Variants in CNTNAP2 observed in about 807,000 individuals in gnomAD.
CNTNAP2 encodes contactin associated protein 2, also known as contactin-associated protein-like 2.
CNTNAP2 carries 98 observed loss-of-function variants against 155.2 expected under a neutral mutation model. That is an observed-to-expected ratio of 0.63 (90% CI 0.54 to 0.75). The LOEUF (loss-of-function observed/expected upper bound fraction) is 0.75, where lower values mean the gene tolerates loss of function less well. Among genes scored for constraint, CNTNAP2 ranks in the 30% least tolerant of loss-of-function variants. CNTNAP2 has a pLI of 0.00. For synonymous variants in CNTNAP2, 651 were observed against 631.2 expected (o/e 1.03, Z -0.47); for missense variants, 1,727 against 1,688.1 (o/e 1.02, Z -0.40).
intron 21 of CNTNAP2, among the ~76,000 whole-genome samples, chr7:148,370,096 A>G (rs954032092): frequency 3.9e-5 from 6 of 152,164 alleles, no homozygotes; most frequent in South Asian, 2.1e-4. Flanking sequence ...GGGAACAGTG[A>G]ACTCTGAAGA....
At chr7:146,174,659 G>A (rs571219214) in intron 1 of CNTNAP2, among the ~76,000 whole-genome samples, 4 of 151,968 alleles carry the variant, frequency 2.6e-5, no homozygotes, top group South Asian at 4.2e-4. Context: ...CCAATATGGC[G>A]AAACCCCATC....
At chr7:147,761,350 T>C (rs1449708040) in intron 13 of CNTNAP2, among the ~76,000 whole-genome samples, 1 of 152,212 alleles carries the variant, frequency 6.6e-6, no homozygotes, top group African/African-American at 2.4e-5. Flanking sequence ...TCCTCTTTCC[T>C]GCTTTTCTCT....
At chr7:147,416,396 C>A (rs530556397) in intron 10 of CNTNAP2, among the ~76,000 whole-genome samples, 1 of 152,186 alleles carries the variant, frequency 6.6e-6, no homozygotes, top group Non-Finnish European at 1.5e-5. Flanking sequence ...CTACACCCAA[C>A]TCCACATTGA....
At chr7:147,973,065 G>A (rs1801361954) in intron 14 of CNTNAP2, among the ~76,000 whole-genome samples, 1 of 150,594 alleles carries the variant, frequency 6.6e-6, no homozygotes, top group South Asian at 2.1e-4. Context: ...GCTGAGGCAG[G>A]AGGATCACTT....
intron 21 of CNTNAP2, among the ~76,000 whole-genome samples, chr7:148,318,923 A>T (rs909413879): frequency 6.6e-6 from 1 of 152,240 alleles, no homozygotes; most frequent in Non-Finnish European, 1.5e-5. Context: ...TCAGCTTACC[A>T]ATTCTGGCCT....
At chr7:146,504,072 A>G (rs150853631) in intron 1 of CNTNAP2, among the ~76,000 whole-genome samples, 4 of 152,324 alleles carry the variant, frequency 2.6e-5, no homozygotes, top group African/African-American at 9.6e-5. Context: ...GTGCGCCTGC[A>G]CTACAAACCC....
chr7:147,396,280 G>A (rs949813124), intron 10 of CNTNAP2, among the ~76,000 whole-genome samples: 4 of 151,408 alleles, frequency 2.6e-5, no homozygotes, highest in Non-Finnish European at 4.4e-5. Context: ...AGTTTTGCAA[G>A]CAACAGCAGT....
intron 13 of CNTNAP2, among the ~76,000 whole-genome samples, chr7:147,879,017 T>C (rs1799472908): frequency 6.6e-6 from 1 of 152,212 alleles, no homozygotes; most frequent in Non-Finnish European, 1.5e-5. Flanking sequence ...TTACTAACCA[T>C]AGTTGTTATT....
chr7:147,980,068 T>C (rs1266905400), intron 15 of CNTNAP2, among the ~76,000 whole-genome samples: 3 of 152,224 alleles, frequency 2.0e-5, no homozygotes, highest in Admixed American at 1.3e-4. Flanking sequence ...TGTGAGGCTG[T>C]CATTCATCTA....
chr7:146,533,823 T>A (rs1446296963), intron 1 of CNTNAP2, among the ~76,000 whole-genome samples: 1 of 152,068 alleles, frequency 6.6e-6, no homozygotes, highest in Non-Finnish European at 1.5e-5. Context: ...TTTTGTTTGC[T>A]CTCTCTCTAC....
At chr7:147,548,441 T>C (rs553330139) in intron 11 of CNTNAP2, among the ~76,000 whole-genome samples, 2 of 152,058 alleles carry the variant, frequency 1.3e-5, no homozygotes, top group South Asian at 4.1e-4. Context: ...TTGCCCACTT[T>C]TTGATGGGGT....
intron 18 of CNTNAP2, among the ~76,000 whole-genome samples, chr7:148,186,840 C>T (rs1413095319): frequency 1.3e-5 from 2 of 152,184 alleles, no homozygotes; most frequent in African/African-American, 2.4e-5. Flanking sequence ...TATGCTGACA[C>T]ACGGTCAGTG....
At position 148,238,433 on chromosome 7, in the gene CNTNAP2, G is replaced by A. The variant is rs1030497197; in HGVS notation, c.3381+8654G>A. Among the ~76,000 whole-genome samples, 8 of 152,294 alleles carry A rather than the reference G, an allele frequency of 5.3e-5. No individual in the cohort carries two copies. The East Asian group carries it at 7.7e-4, about 15-fold the overall frequency. ...TCTAGAACCCAGCTAACCAGACCCC[G>A]TTTCCCCACTTAGTTTGCTCTTTGT... On this transcript the variant is annotated intron_variant, in intron 20 of 23. Transcript: ENST00000361727.
intron 1 of CNTNAP2, among the ~76,000 whole-genome samples, chr7:146,196,591 GAGAGAA>G (rs1387648873): frequency 2.6e-5 from 4 of 151,894 alleles, no homozygotes; most frequent in Non-Finnish European, 5.9e-5. Flanking sequence ...GAAAGAGAGA[GAGAGAA>G]AGAGAAAGAG....
rs575095584 is a variant in CNTNAP2, at chr7:147,021,435, G to A, written c.403-22472G>A. 3.9e-5 allele frequency among the ~76,000 whole-genome samples: 6 copies of A among 152,206 alleles called. No individual in the cohort carries two copies. The East Asian group carries it at 1.2e-3, about 29-fold the overall frequency. On this transcript the variant is annotated intron_variant, in intron 3 of 23. Coordinates refer to ENST00000361727, the MANE Select transcript of CNTNAP2 (RefSeq NM_014141.6). ...GGGCTTTTGTTTTGTTTTTTAGCCAGTTCTTTGTATGATATATTTCTCAGA... is the reference window on the plus strand; with the variant it reads ...GGGCTTTTGTTTTGTTTTTTAGCCAATTCTTTGTATGATATATTTCTCAGA...
At chr7:148,148,268 A>G (rs1805232738) in intron 17 of CNTNAP2, among the ~76,000 whole-genome samples, 2 of 152,190 alleles carry the variant, frequency 1.3e-5, no homozygotes, top group African/African-American at 2.4e-5. Flanking sequence ...AAAAAGTTAA[A>G]CTACCTATGC....
At chr7:146,128,829 A>G (rs1212413381) in intron 1 of CNTNAP2, among the ~76,000 whole-genome samples, 1 of 152,126 alleles carries the variant, frequency 6.6e-6, no homozygotes, top group Non-Finnish European at 1.5e-5. Flanking sequence ...ATTGTAATAT[A>G]ATGTTAGTTG....
chr7:147,775,485 G>C (rs1797571563), intron 13 of CNTNAP2, among the ~76,000 whole-genome samples: 1 of 144,222 alleles, frequency 6.9e-6, no homozygotes, highest in Non-Finnish European at 1.5e-5. Context: ...TGGAGATGTA[G>C]TAGGATGGAT....
At chr7:147,096,477 T>C (rs978729241) in intron 4 of CNTNAP2, among the ~76,000 whole-genome samples, 6 of 152,226 alleles carry the variant, frequency 3.9e-5, no homozygotes, top group Non-Finnish European at 8.8e-5. Context: ...ATCTCTTCAT[T>C]AGAATCTCTT....
Sources: gnomAD v4.1 joint callset for allele counts (sites outside exome capture counted in the v4.1 genomes callset) on GRCh38, gnomAD v4.1.1 for gene constraint, MANE v1.5 for transcripts, NCBI Gene and HGNC (gene_info 2026-07-23, HGNC 2026-07-21) for gene names.